The following ZNF823 variants were observed in gnomAD, a reference collection of about 807,000 sequenced individuals.
ZNF823 encodes the protein ZFP 36 for a zinc finger protein.
In ZNF823, 5 loss-of-function variants were observed where a neutral mutation model predicts 11.4. The ratio of observed to expected loss-of-function variants is 0.44; its 90% CI spans 0.23 to 0.92. The LOEUF (loss-of-function observed/expected upper bound fraction) is 0.92, where lower values mean the gene tolerates loss of function less well. Ranked by LOEUF, ZNF823 falls within the 40% of genes least tolerant of loss-of-function variation. The pLI is 0.24. For synonymous variants in ZNF823, 234 were observed against 250.5 expected, an observed-to-expected ratio of 0.93 and a Z score of 0.62; for missense variants, 582 against 738.5, an observed-to-expected ratio of 0.79 and a Z score of 2.46.
At chr19:11,737,821 TAGG>T (rs1000892316) in intron 1 of ZNF823, among the ~76,000 whole-genome samples, 1 of 152,182 alleles carries the variant, frequency 6.6e-6, no homozygotes, top group East Asian at 1.9e-4. Flanking sequence ...CTGCCAGCCC[TAGG>T]AGGAGTTAGG....
intron 1 of ZNF823, among the ~76,000 whole-genome samples, chr19:11,733,111 G>A (rs1974931257): frequency 6.6e-6 from 1 of 152,176 alleles, no homozygotes; most frequent in Non-Finnish European, 1.5e-5. Context: ...GCTCACGCCT[G>A]TAATCCCAGC....
At chr19:11,735,382 G>C (rs1974976638) in intron 1 of ZNF823, among the ~76,000 whole-genome samples, 1 of 151,482 alleles carries the variant, frequency 6.6e-6, no homozygotes, top group Non-Finnish European at 1.5e-5. Flanking sequence ...TATGCTTTTA[G>C]AGTGAAGTCA....
At chr19:11,736,802 G>GAA (rs1974999848) in intron 1 of ZNF823, among the ~76,000 whole-genome samples, 1 of 152,136 alleles carries the variant, frequency 6.6e-6, no homozygotes, top group Non-Finnish European at 1.5e-5. Flanking sequence ...CCACCCCAGT[G>GAA]CTGCTCACTG....
At chr19:11,725,077 C>T in intron 2 of ZNF823, 124 bp downstream of exon 2, 1 of 1,316,860 alleles carries the variant, frequency 7.6e-7, no homozygotes, top group Non-Finnish European at 1.0e-6. Context: ...GCTGACACCT[C>T]TAAACCCTGT....
intron 1 of ZNF823, among the ~76,000 whole-genome samples, chr19:11,726,854 C>T (rs951144355): frequency 2.0e-5 from 3 of 152,178 alleles, no homozygotes; most frequent in African/African-American, 7.2e-5. Flanking sequence ...ACCCTAGTAG[C>T]TAACGTTTCA....
chr19:11,729,800 G>C (rs1974859114), intron 1 of ZNF823, among the ~76,000 whole-genome samples: 1 of 152,108 alleles, frequency 6.6e-6, no homozygotes, highest in African/African-American at 2.4e-5. Flanking sequence ...TTGGTCACTG[G>C]TCTGATATTT....
At position 11,722,041 on chromosome 19, in the gene ZNF823, G is replaced by C; in HGVS notation, c.1493C>G (p.Pro498Arg). 1.2e-6 allele frequency: 2 copies of C among 1,613,092 alleles called. No homozygotes were observed. Among genetic ancestry groups the C allele is most frequent in the Non-Finnish European group, 1.7e-6 (2 of 1,179,844 alleles). The part of the protein sequence containing the change: ...QHKRTHTVEK[P>R]YECKTCRKAF... ...TTTTCTACATGTTTTACACTCATAA[G>C]GTTTTTCTACTGTGTGGGTCCTTTT... Residue 498 changes from proline to arginine, a missense_variant, in exon 4 of 4, where the codon CCT becomes CGT. Coordinates refer to ENST00000341191, the MANE Select transcript of ZNF823 (RefSeq NM_001080493.4). This position sits in a 1 kb window ranked among gnomAD's most constrained non-coding sequence, Gnocchi z 5.2.
At position 11,725,300 on chromosome 19, in the gene ZNF823, C is replaced by G. The variant is rs774392126; in HGVS notation, c.31G>C (p.Val11Leu). The change falls in exon 2 of 4, where the codon GTG becomes CTG. Residue 11 changes from valine to leucine, a missense_variant. Val to Leu is a conservative substitution (Grantham distance 32, BLOSUM62 1). Around this residue, in one of 3 missense-constraint regions of ZNF823, gnomAD observed 429 missense variants for 553.7 expected, o/e 0.77. Coordinates refer to ENST00000341191, the MANE Select transcript of ZNF823 (RefSeq NM_001080493.4). MDSVAFEDVA[V>L]NFTQEEWALL... is the part of the protein sequence containing the mutation. ...GCCCACTCCTCTTGTGTGAAGTTCA[C>G]AGCCACATCTTCAAAGGCCACTGAG... is the stretch of plus-strand genomic sequence containing the variant. The G allele has an allele frequency of 1.2e-6, 2 of 1,613,910 alleles. No homozygotes were observed. Among genetic ancestry groups the G allele is most frequent in the African/African-American group, 1.3e-5 (1 of 74,924 alleles).
chr19:11,725,286 T>A lies in ZNF823; in HGVS notation c.45A>T (p.Gln15His). ...AFEDVAVNFT[Q>H]EEWALLGPSQ... ...ATGGACCCAGCAAAGCCCACTCCTC[T>A]TGTGTGAAGTTCACAGCCACATCTT... The change falls in exon 2 of 4, where the codon CAA becomes CAT. Residue 15 changes from glutamine to histidine, a missense_variant. Around this residue, in one of 3 missense-constraint regions of ZNF823, gnomAD observed 429 missense variants for 553.7 expected, o/e 0.77. Coordinates refer to ENST00000341191, the MANE Select transcript of ZNF823 (RefSeq NM_001080493.4). The A allele has an allele frequency of 6.2e-7, 1 of 1,614,108 alleles. No homozygotes were observed. The highest frequency in any genetic ancestry group is 1.1e-5 in the South Asian group (1 of 91,078).
At chr19:11,725,849 C>T (rs537210328) in intron 1 of ZNF823, 1 of 154,706 alleles carries the variant, frequency 6.5e-6, no homozygotes, top group South Asian at 2.0e-4. Flanking sequence ...AATCCCATCA[C>T]TTTGCAGGGC....
intron 1 of ZNF823, among the ~76,000 whole-genome samples, chr19:11,731,551 T>C (rs184262952): frequency 1.3e-5 from 2 of 152,198 alleles, no homozygotes; most frequent in Admixed American, 1.3e-4. Flanking sequence ...GGGTGTCCAG[T>C]AGTTCAATTC....
intron 1 of ZNF823, among the ~76,000 whole-genome samples, chr19:11,728,756 CAAGTAT>C (rs1364155454): frequency 1.3e-5 from 2 of 152,076 alleles, no homozygotes; most frequent in African/African-American, 4.8e-5. Context: ...AAAAAACAGT[CAAGTAT>C]AAGAATAGAA....
In ZNF823 at chr19:11,736,875, C is replaced by A. The variant is rs73500553; in HGVS notation, c.3+1942G>T. 7.0e-3 allele frequency among the ~76,000 whole-genome samples: 1,072 copies of A among 152,302 alleles called. 15 individuals are homozygous for A. The highest frequency in any genetic ancestry group is 0.025 in the African/African-American group (1,034 of 41,528). ...CAATACCGCCAACCAGCTGGCTCATCAGCCATGTGTCCCCAGGGAATGGAA... is the reference window on the plus strand; with the variant it reads ...CAATACCGCCAACCAGCTGGCTCATAAGCCATGTGTCCCCAGGGAATGGAA... On this transcript the variant is annotated intron_variant, in intron 1 of 3. Coordinates refer to ENST00000341191, the MANE Select transcript of ZNF823 (RefSeq NM_001080493.4).
chr19:11,738,465 T>G (rs993269140), intron 1 of ZNF823, among the ~76,000 whole-genome samples: 2 of 152,194 alleles, frequency 1.3e-5, no homozygotes, highest in African/African-American at 4.8e-5. Context: ...TTAAACTGTT[T>G]CTGCTGCAGC....
Position 11,725,333 on chromosome 19 carries a change from A to C in ZNF823, c.4-6T>G. On this transcript the variant is annotated splice_region_variant and splice_polypyrimidine_tract_variant and intron_variant, in intron 1 of 3. Coordinates refer to ENST00000341191, the MANE Select transcript of ZNF823 (RefSeq NM_001080493.4). ...TCTTCAAAGGCCACTGAGTCCTGAA[A>C]CATCCCACATGTGCAGAGGAGGAAG... 4 of 1,613,690 alleles carry C rather than the reference A, an allele frequency of 2.5e-6. No homozygotes were observed. Among genetic ancestry groups the C allele is most frequent in the Non-Finnish European group, 3.4e-6 (4 of 1,179,724 alleles).
intron 1 of ZNF823, among the ~76,000 whole-genome samples, chr19:11,737,318 C>T (rs1252474423): frequency 1.3e-5 from 2 of 152,050 alleles, no homozygotes; most frequent in Non-Finnish European, 2.9e-5. Flanking sequence ...GGCTGGAGTG[C>T]AATGGCGTGA....
rs1413640433 is a variant in ZNF823, at chr19:11,722,832, G to C, written c.702C>G (p.Ser234=). 6.2e-7 allele frequency: 1 copy of C among 1,613,948 alleles called. No individual in the cohort carries two copies. The highest frequency in any genetic ancestry group is 1.1e-5 in the South Asian group (1 of 91,064). The change falls in exon 4 of 4, where the codon TCC becomes TCG. Residue 234 remains serine, a synonymous_variant. Transcript: ENST00000341191. This position sits in a 1 kb window ranked among gnomAD's most constrained non-coding sequence, Gnocchi z 5.2. The stretch of plus-strand genomic sequence containing the variant: ...TGTGGATTCTTTCATGTCTTAGATA[G>C]GAACTGTAAAAAGGAAAGGCTTTAG... ...QCSKAFPFYS[S]YLRHERIHTG...
Position 11,721,539 on chromosome 19 carries a change from G to A in ZNF823, c.*162C>T. The A allele has an allele frequency of 1.3e-5, 9 of 699,194 alleles. No individual in the cohort carries two copies. The highest frequency in any genetic ancestry group is 1.9e-5 in the Non-Finnish European group (8 of 432,202). 43.3% of individuals were successfully genotyped at this position (699,194 alleles called of 1,614,324 possible). Reference sequence around the variant, plus strand: ...GGCATCTGTGGATTTAGAGGGTGCTGGAACCAATCCCCTGCAATATATTGG... The same window carrying A: ...GGCATCTGTGGATTTAGAGGGTGCTAGAACCAATCCCCTGCAATATATTGG... On this transcript the variant is annotated 3_prime_UTR_variant, in exon 4 of 4. Coordinates refer to ENST00000341191, the MANE Select transcript of ZNF823 (RefSeq NM_001080493.4).
intron 1 of ZNF823, among the ~76,000 whole-genome samples, chr19:11,735,281 C>CAAACAAAAAAA (rs1974973442): frequency 1.0e-5 from 1 of 99,366 alleles, no homozygotes; most frequent in Non-Finnish European, 2.2e-5. Context: ...TTTCAAAAAA[C>CAAACAAAAAAA]AAAAAAAAAA....
Sources: allele counts gnomAD v4.1 joint callset (sites outside exome capture counted in the v4.1 genomes callset), GRCh38; gene constraint gnomAD v4.1.1; regional missense constraint gnomAD v4.1.1; non-coding constraint Gnocchi (gnomAD v3.1); transcripts MANE v1.5; gene names NCBI Gene and HGNC (gene_info 2026-07-23, HGNC 2026-07-21).